The following ACVR1 variants were observed in gnomAD, a reference collection of about 807,000 sequenced individuals.
ACVR1 encodes the protein activin receptor type-1.
A neutral mutation model predicts 57.1 loss-of-function variants in ACVR1; 38 were observed. The ratio of observed to expected loss-of-function variants is 0.67; its 90% CI spans 0.51 to 0.87. The LOEUF (loss-of-function observed/expected upper bound fraction) is 0.87. ACVR1 is among the 40% of genes least tolerant of loss of function. The pLI, the probability that ACVR1 is intolerant of heterozygous loss-of-function variation, is 0.00. For synonymous variants in ACVR1, 212 were observed against 228.1 expected (o/e 0.93, Z 0.63); for missense variants, 463 against 638.2 (o/e 0.73, Z 2.96).
chr2:157,806,716 G>T (rs1238015305), intron 2 of ACVR1: 11 of 152,188 alleles, frequency 7.2e-5, no homozygotes, highest in Admixed American at 6.5e-4. Flanking sequence ...GCAAAGAAAG[G>T]TTAAACCGAA....
intron 3 of ACVR1, among the ~76,000 whole-genome samples, chr2:157,794,501 G>A (rs538347399): frequency 1.3e-5 from 2 of 152,202 alleles, no homozygotes; most frequent in African/African-American, 4.8e-5. Flanking sequence ...GAATGTGGAT[G>A]TAGCTAATTT....
chr2:157,789,638 A>G (rs963663520), intron 3 of ACVR1, among the ~76,000 whole-genome samples: 3 of 152,254 alleles, frequency 2.0e-5, no homozygotes, highest in African/African-American at 7.2e-5. Flanking sequence ...AGGAGATTAA[A>G]GTCCAGAAGG....
chr2:157,807,921 T>C (rs1244219094), intron 2 of ACVR1, among the ~76,000 whole-genome samples: 2 of 146,552 alleles, frequency 1.4e-5, no homozygotes, highest in African/African-American at 2.6e-5. Flanking sequence ...TCTCTTTCTC[T>C]CTCTCTCTCT....
chr2:157,793,002 A>T (rs2105297430), intron 3 of ACVR1, among the ~76,000 whole-genome samples: 1 of 152,302 alleles, frequency 6.6e-6, no homozygotes, highest in East Asian at 1.9e-4. Context: ...GTTCCGCAGG[A>T]CAGTTTGCAG....
intron 1 of ACVR1, among the ~76,000 whole-genome samples, chr2:157,819,215 A>G (rs900987017): frequency 6.6e-6 from 1 of 151,938 alleles, no homozygotes; most frequent in African/African-American, 2.4e-5. Flanking sequence ...ATCAAACAAA[A>G]ATTTTGACCC....
chr2:157,859,877 T>C (rs1689664926), intron 1 of ACVR1, among the ~76,000 whole-genome samples: 1 of 152,200 alleles, frequency 6.6e-6, no homozygotes, highest in Non-Finnish European at 1.5e-5. Flanking sequence ...TGGTCGTTTT[T>C]TGTATTATAG....
Position 157,786,674 on chromosome 2 carries a change from G to A in ACVR1, c.68-6074C>T, listed in dbSNP as rs1389677384. Among the ~76,000 whole-genome samples, 6 of 152,276 alleles carry A rather than the reference G, an allele frequency of 3.9e-5. No homozygotes were observed. The South Asian group carries it at 1.2e-3, about 32-fold the overall frequency. ...ATACAAGTGTTCCTTAAAAAAATGAGGAACTATTTAATACATTAATAGAAC... is the reference window on the plus strand; with the variant it reads ...ATACAAGTGTTCCTTAAAAAAATGAAGAACTATTTAATACATTAATAGAAC... On this transcript the variant is annotated intron_variant, in intron 3 of 10. Transcript: ENST00000434821.
At chr2:157,742,773 A>C (rs1239313685) in intron 9 of ACVR1, among the ~76,000 whole-genome samples, 1 of 152,168 alleles carries the variant, frequency 6.6e-6, no homozygotes, top group African/African-American at 2.4e-5. Context: ...AAATGTCCAG[A>C]AACAAGTCCT....
intron 1 of ACVR1, among the ~76,000 whole-genome samples, chr2:157,842,470 C>T (rs936115554): frequency 2.0e-5 from 3 of 152,188 alleles, no homozygotes; most frequent in Non-Finnish European, 4.4e-5. Flanking sequence ...ACATCAAATG[C>T]AATCAAGTTC....
intron 9 of ACVR1, among the ~76,000 whole-genome samples, chr2:157,757,029 T>TATATATATATTTGAG (rs1553499025): frequency 2.0e-4 from 26 of 129,094 alleles, no homozygotes; most frequent in African/African-American, 8.4e-4. Flanking sequence ...TTGATATATA[T>TATATATATATTTGAG]ATATATATAT....
intron 2 of ACVR1, among the ~76,000 whole-genome samples, chr2:157,803,895 T>C (rs1333210910): frequency 6.6e-6 from 1 of 150,452 alleles, no homozygotes; most frequent in Non-Finnish European, 1.5e-5. Context: ...AAAATAACAA[T>C]AACATACTAC....
At chr2:157,820,149 C>G (rs1454312257) in intron 1 of ACVR1, among the ~76,000 whole-genome samples, 1 of 152,132 alleles carries the variant, frequency 6.6e-6, no homozygotes, top group South Asian at 2.1e-4. Flanking sequence ...AATCTAGACA[C>G]GTAAGGCACA....
At chr2:157,812,145 C>T (rs1687773812) in intron 2 of ACVR1, among the ~76,000 whole-genome samples, 1 of 152,210 alleles carries the variant, frequency 6.6e-6, no homozygotes, top group African/African-American at 2.4e-5. Flanking sequence ...TAAGGACCCA[C>T]TCAGTAGCAG....
At chr2:157,803,932 C>G (rs961069022) in intron 2 of ACVR1, among the ~76,000 whole-genome samples, 2 of 151,392 alleles carry the variant, frequency 1.3e-5, no homozygotes, top group African/African-American at 2.4e-5. Flanking sequence ...TTTAAAAGAG[C>G]TATGATGTAT....
intron 3 of ACVR1, among the ~76,000 whole-genome samples, chr2:157,788,582 T>C (rs1056222857): frequency 6.6e-6 from 1 of 152,190 alleles, no homozygotes; most frequent in African/African-American, 2.4e-5. Flanking sequence ...TTATAATTGT[T>C]CTATTTTACT....
chr2:157,859,705 A>G (rs1223300554), intron 1 of ACVR1, among the ~76,000 whole-genome samples: 1 of 152,074 alleles, frequency 6.6e-6, no homozygotes, highest in Non-Finnish European at 1.5e-5. Flanking sequence ...GAAATCTGCA[A>G]TATCCTTTCC....
intron 1 of ACVR1, among the ~76,000 whole-genome samples, chr2:157,867,286 T>G (rs891165976): frequency 6.6e-6 from 1 of 152,192 alleles, no homozygotes; most frequent in Non-Finnish European, 1.5e-5. Context: ...GTTCCATCTA[T>G]TCTCATTTCC....
Position 157,765,795 on chromosome 2 carries a change from G to A in ACVR1, c.1066+126C>T, listed in dbSNP as rs532204650. On this transcript the variant is annotated intron_variant, in intron 8 of 10. Coordinates refer to ENST00000434821, the MANE Select transcript of ACVR1 (RefSeq NM_001111067.4). ...TGTGGTGGGTATAAAGGTGTTCATT[G>A]TAAATGTTCAACTTTTCTGCATGTT... 42 of 908,856 alleles carry A rather than the reference G, an allele frequency of 4.6e-5. No homozygotes were observed. In the Admixed American group the frequency reaches 8.5e-4, roughly 18 times the overall value. 56.3% of individuals were successfully genotyped at this position (908,856 alleles called of 1,614,324 possible).
chr2:157,784,323 T>A (rs1384248418), intron 3 of ACVR1, among the ~76,000 whole-genome samples: 1 of 152,164 alleles, frequency 6.6e-6, no homozygotes, highest in Admixed American at 6.5e-5. Flanking sequence ...GAACAGATAA[T>A]CAGATTCTGT....
Sources: allele counts gnomAD v4.1 joint callset (sites outside exome capture counted in the v4.1 genomes callset), GRCh38; gene constraint gnomAD v4.1.1; transcripts MANE v1.5; gene names NCBI Gene and HGNC (gene_info 2026-07-23, HGNC 2026-07-21).